Variants in RNF24 observed in about 807,000 individuals in gnomAD.
RNF24 encodes the protein ring finger protein 24.
In RNF24, 14 loss-of-function variants were observed where a neutral mutation model predicts 20.0. The ratio of observed to expected loss-of-function variants is 0.70; its 90% confidence interval spans 0.46 to 1.10. The LOEUF is 1.10. RNF24 is among the 50% of genes least tolerant of loss of function. The pLI is 0.00. For synonymous variants in RNF24, 45 were observed against 61.1 expected, an observed-to-expected ratio of 0.74 and a Z score of 1.23; for missense variants, 124 against 177.6, an observed-to-expected ratio of 0.70 and a Z score of 1.71.
At chr20:3,979,635 A>T (rs1979216146) in intron 1 of RNF24, among the ~76,000 whole-genome samples, 1 of 152,204 alleles carries the variant, frequency 6.6e-6, no homozygotes. Context: ...AGATTACGCC[A>T]TTGCACTCCA....
chr20:4,001,804 T>C (rs374954712), intron 1 of RNF24, among the ~76,000 whole-genome samples: 70 of 152,064 alleles, frequency 4.6e-4, no homozygotes, highest in African/African-American at 1.7e-3. Flanking sequence ...AATAAACAGC[T>C]GGGCATGGTG....
intron 2 of RNF24, among the ~76,000 whole-genome samples, chr20:3,962,642 A>G (rs974295497): frequency 6.6e-6 from 1 of 151,206 alleles, no homozygotes; most frequent in Admixed American, 6.6e-5. Flanking sequence ...ACAGTGCTAA[A>G]CTTTTTACTC....
In RNF24 at chr20:3,929,033, GA is replaced by G. The variant is rs1265532536; in HGVS notation, c.*5029del. 5 of 152,066 alleles carry G rather than the reference GA, an allele frequency of 3.3e-5. No homozygotes were observed. The highest frequency in any genetic ancestry group is 1.2e-4 in the African/African-American group (5 of 41,394). The allele number at this position is 152,066 out of a possible 1,614,324, so 9.4% of individuals were successfully genotyped here. On this transcript the variant is annotated 3_prime_UTR_variant, in exon 6 of 6. Transcript: ENST00000358395. Reference sequence around the variant, plus strand: ...CCGGCAAATTTTTGTATTTTTAGTAGAGGGGGTTTCACCATATTGGTCAGGC... The same window carrying G: ...CCGGCAAATTTTTGTATTTTTAGTAGGGGGGTTTCACCATATTGGTCAGGC...
intron 1 of RNF24, 72 bp from the exon 2 acceptor site, chr20:3,964,096 C>T (rs943203758): frequency 2.4e-5 from 31 of 1,309,384 alleles, no homozygotes; most frequent in South Asian, 1.2e-4. Context: ...TCATTGTGCA[C>T]GTATAGAGGC....
At chr20:3,969,897 A>G (rs1399638128) in intron 1 of RNF24, among the ~76,000 whole-genome samples, 1 of 151,464 alleles carries the variant, frequency 6.6e-6, no homozygotes, top group Non-Finnish European at 1.5e-5. Flanking sequence ...CAGCCTCCCG[A>G]GTAGCTGGGA....
At chr20:4,008,475 A>T (rs1454597150) in intron 1 of RNF24, among the ~76,000 whole-genome samples, 1 of 115,306 alleles carries the variant, frequency 8.7e-6, no homozygotes, top group Non-Finnish European at 1.7e-5. Flanking sequence ...TAATATGTAT[A>T]ATATATAATA....
chr20:3,950,623 TATC>T (rs1284243051), intron 2 of RNF24, among the ~76,000 whole-genome samples: 1 of 152,232 alleles, frequency 6.6e-6, no homozygotes, highest in Admixed American at 6.5e-5. Context: ...CTTGTGTCAA[TATC>T]ATGCTATTTT....
intron 2 of RNF24, among the ~76,000 whole-genome samples, chr20:3,949,541 G>A (rs2091058411): frequency 6.6e-6 from 1 of 151,730 alleles, no homozygotes; most frequent in South Asian, 2.1e-4. Flanking sequence ...CAATTAGCTG[G>A]GCATGGTGGC....
At chr20:3,935,549 A>G (rs2090880463) in intron 4 of RNF24, among the ~76,000 whole-genome samples, 1 of 152,186 alleles carries the variant, frequency 6.6e-6, no homozygotes, top group Non-Finnish European at 1.5e-5. Flanking sequence ...GTAACATGCT[A>G]TTTATAGTTC....
chr20:3,932,200 T>C lies in RNF24; in HGVS notation c.*1863A>G, dbSNP rs939606380. On this transcript the variant is annotated 3_prime_UTR_variant, in exon 6 of 6. Transcript: ENST00000358395. ...CAAGCCTCCTTCTGATATTGGTCAC[T>C]GAAAACAGCTCACTATAAACGGGGT... 6.6e-6 allele frequency: 1 copy of C among 152,220 alleles called. No individual in the cohort carries two copies. The highest frequency in any genetic ancestry group is 1.5e-5 in the Non-Finnish European group (1 of 68,036). The allele number at this position is 152,220 out of a possible 1,614,324, so 9.4% of individuals were successfully genotyped here. A position where few individuals can be genotyped will look rare whatever the true frequency, so the allele number is the denominator to read the frequency against.
In RNF24 at chr20:3,927,995, C is replaced by G. The variant is rs2090750829; in HGVS notation, c.*6068G>C. On this transcript the variant is annotated 3_prime_UTR_variant, in exon 6 of 6. Transcript: ENST00000358395. Reference sequence around the variant, plus strand: ...GGCAAAGTAAGGTTTACTACACAAGCCCCTCTTTTTCTTCTGATATCCCCA... The same window carrying G: ...GGCAAAGTAAGGTTTACTACACAAGGCCCTCTTTTTCTTCTGATATCCCCA... 1 of 152,150 alleles carries G rather than the reference C, an allele frequency of 6.6e-6. No individual in the cohort carries two copies. The highest frequency in any genetic ancestry group is 2.4e-5 in the African/African-American group (1 of 41,414). The allele number at this position is 152,150 out of a possible 1,614,324, so 9.4% of individuals were successfully genotyped here.
chr20:3,981,843 G>C (rs1411853430), intron 1 of RNF24, among the ~76,000 whole-genome samples: 1 of 151,972 alleles, frequency 6.6e-6, no homozygotes, highest in Non-Finnish European at 1.5e-5. Context: ...ATTGGGCCGG[G>C]CACACTAACT....
intron 2 of RNF24, among the ~76,000 whole-genome samples, chr20:3,960,858 AT>A (rs2091193885): frequency 6.6e-6 from 1 of 151,928 alleles, no homozygotes; most frequent in Non-Finnish European, 1.5e-5. Flanking sequence ...GTGTGGCACA[AT>A]CTTGGCTCAA....
chr20:3,964,888 C>T (rs757595789), intron 1 of RNF24, among the ~76,000 whole-genome samples: 7 of 152,068 alleles, frequency 4.6e-5, no homozygotes, highest in South Asian at 2.1e-4. Flanking sequence ...ATGACTGACC[C>T]GGTATGTACA....
rs1568672484 is a variant in RNF24, at chr20:4,008,390, T to TAA, written c.-8+7046_-8+7047insTT. ...ATATATTATATATATAATATATATATTATATATGTAATATGTATAATATAT... is the reference window on the plus strand; with the variant it reads ...ATATATTATATATATAATATATATATAATATATATGTAATATGTATAATATAT... On this transcript the variant is annotated intron_variant, in intron 1 of 5. Transcript: ENST00000358395. 7.8e-3 allele frequency among the ~76,000 whole-genome samples: 179 copies of TAA among 22,884 alleles called. 2 individuals carry two copies. The highest frequency in any genetic ancestry group is 0.029 in the African/African-American group (140 of 4,838). The allele number at this position is 22,884 out of a possible 152,430, so 15.0% of individuals were successfully genotyped here.
At chr20:3,971,130 A>G (rs988400211) in intron 1 of RNF24, among the ~76,000 whole-genome samples, 8 of 152,208 alleles carry the variant, frequency 5.3e-5, no homozygotes, top group Admixed American at 2.6e-4. Context: ...AAATCTTGAA[A>G]GCAACTAAGG....
chr20:4,012,006 G>A (rs1182769253), intron 1 of RNF24, among the ~76,000 whole-genome samples: 3 of 152,186 alleles, frequency 2.0e-5, no homozygotes, highest in African/African-American at 7.2e-5. Context: ...TAATATATAA[G>A]ACTGCTGATT....
chr20:4,006,801 C>G (rs975491472), intron 1 of RNF24, among the ~76,000 whole-genome samples: 1 of 152,242 alleles, frequency 6.6e-6, no homozygotes, highest in African/African-American at 2.4e-5. Flanking sequence ...AGGGCCCAGG[C>G]CAGCTTTCCC....
intron 2 of RNF24, among the ~76,000 whole-genome samples, chr20:3,953,228 T>G (rs1220634202): frequency 2.6e-5 from 4 of 152,128 alleles, no homozygotes; most frequent in Admixed American, 1.3e-4. Flanking sequence ...CTCGGCTCAC[T>G]GCAAGCTCCG....
Sources: allele counts gnomAD v4.1 joint callset (sites outside exome capture counted in the v4.1 genomes callset), GRCh38; gene constraint gnomAD v4.1.1; transcripts MANE v1.5; gene names NCBI Gene and HGNC (gene_info 2026-07-23, HGNC 2026-07-21).